SMCO4: variants seen among roughly 807,000 people sequenced by gnomAD.
The protein encoded by SMCO4 is single-pass membrane protein with coiled-coil domains 4, also known as single-pass membrane and coiled-coil domain-containing protein 4.
In SMCO4, 4 loss-of-function variants were observed where a neutral mutation model predicts 3.6. The ratio of observed to expected loss-of-function variants is 1.11; its 90% CI spans 0.54 to 2.53. The LOEUF (loss-of-function observed/expected upper bound fraction) is 2.53, where lower values mean the gene tolerates loss of function less well. Among genes scored for constraint, SMCO4 ranks in the 30% most tolerant of loss-of-function variants. SMCO4 has a pLI of 0.02. For missense variants in SMCO4, 70 were observed against 80.8 expected (o/e 0.87, Z 0.51); for synonymous variants, 36 against 35.3 (o/e 1.02, Z -0.07).
At chr11:93,525,582 G>T (rs988368943) in intron 1 of SMCO4, among the ~76,000 whole-genome samples, 1 of 152,102 alleles carries the variant, frequency 6.6e-6, no homozygotes, top group Non-Finnish European at 1.5e-5. Flanking sequence ...TCTCCTGCAG[G>T]AATAGAGAAC....
intron 1 of SMCO4, among the ~76,000 whole-genome samples, chr11:93,539,374 TAGG>T (rs960566127): frequency 3.3e-5 from 5 of 151,872 alleles, no homozygotes; most frequent in African/African-American, 1.2e-4. Flanking sequence ...CAAAATAATG[TAGG>T]AGGACGGAAG....
chr11:93,497,712 T>C (rs1372625765), intron 2 of SMCO4, among the ~76,000 whole-genome samples: 1 of 152,210 alleles, frequency 6.6e-6, no homozygotes, highest in Non-Finnish European at 1.5e-5. Context: ...GACATTGAAC[T>C]TCTGAGCTTA....
chr11:93,489,516 T>A (rs545347079), intron 2 of SMCO4, among the ~76,000 whole-genome samples: 3 of 152,212 alleles, frequency 2.0e-5, no homozygotes, highest in Non-Finnish European at 4.4e-5. Context: ...CCACTGCAGT[T>A]GGAGGCCACA....
chr11:93,542,596 T>G (rs898072917), intron 1 of SMCO4, among the ~76,000 whole-genome samples: 1 of 151,982 alleles, frequency 6.6e-6, no homozygotes, highest in African/African-American at 2.4e-5. Flanking sequence ...CTCAGCTCCC[T>G]CCTCCACCCA....
chr11:93,496,031 C>A (rs1948768536), intron 2 of SMCO4, among the ~76,000 whole-genome samples: 1 of 152,204 alleles, frequency 6.6e-6, no homozygotes, highest in South Asian at 2.1e-4. Flanking sequence ...CAGTGCAGTC[C>A]ACTCCATGGG....
At chr11:93,543,818 T>C (rs1389255546), upstream of SMCO4, among the ~76,000 whole-genome samples, 2 of 152,234 alleles carry the variant, frequency 1.3e-5, no homozygotes, top group African/African-American at 4.8e-5. Flanking sequence ...CAATAAATAC[T>C]TGTGAAGAGA....
intron 1 of SMCO4, among the ~76,000 whole-genome samples, chr11:93,501,499 A>T (rs968924193): frequency 6.6e-6 from 1 of 152,196 alleles, no homozygotes; most frequent in Non-Finnish European, 1.5e-5. Flanking sequence ...TTGTGGCCAC[A>T]TCATTCCGAC....
intron 1 of SMCO4, among the ~76,000 whole-genome samples, chr11:93,519,914 A>G (rs1199377420): frequency 6.6e-6 from 1 of 152,068 alleles, no homozygotes; most frequent in Non-Finnish European, 1.5e-5. Flanking sequence ...TAGTCTGAAT[A>G]CACTAGAAAA....
At chr11:93,551,757 A>T in the SMCO4 span, among the ~76,000 whole-genome samples, 1 of 152,246 alleles carries the variant, frequency 6.6e-6, no homozygotes, top group Admixed American at 6.5e-5. Flanking sequence ...CACCTGTTTA[A>T]TGGGATTGAA....
At chr11:93,543,494 CG>C, upstream of SMCO4, 1 of 152,940 alleles carries the variant, frequency 6.5e-6, no homozygotes, top group Non-Finnish European at 1.5e-5. Context: ...CCTCGGCTCC[CG>C]CCCCCTCTTC....
At chr11:93,524,583 C>A (rs781204634) in intron 1 of SMCO4, among the ~76,000 whole-genome samples, 1 of 152,126 alleles carries the variant, frequency 6.6e-6, no homozygotes, top group East Asian at 1.9e-4. Flanking sequence ...ACTCCACAAA[C>A]ACAAATGACC....
At chr11:93,488,696 G>A (rs1422320539) in intron 2 of SMCO4, among the ~76,000 whole-genome samples, 1 of 152,102 alleles carries the variant, frequency 6.6e-6, no homozygotes. Context: ...CCCTAGTAGA[G>A]GCATGAAAAG....
intron 2 of SMCO4, among the ~76,000 whole-genome samples, chr11:93,493,452 C>T (rs957304361): frequency 4.6e-5 from 7 of 152,142 alleles, no homozygotes; most frequent in Admixed American, 1.3e-4. Context: ...CTGTATCACA[C>T]GCCACCCCCA....
upstream of SMCO4, among the ~76,000 whole-genome samples, chr11:93,545,766 C>T (rs929542870): frequency 1.3e-5 from 2 of 152,206 alleles, no homozygotes; most frequent in Non-Finnish European, 2.9e-5. Context: ...CTCCCTCCCA[C>T]GTTGACCCTG....
chr11:93,534,375 T>TAG lies in SMCO4; in HGVS notation c.-154+8899_-154+8900dup, dbSNP rs1555079957. Among the ~76,000 whole-genome samples the TAG allele has an allele frequency of 2.1e-3, 302 of 142,126 alleles. 3 individuals are homozygous for TAG. Among genetic ancestry groups the TAG allele is most frequent in the East Asian group, 0.014 (68 of 4,858 alleles). 93.2% of individuals were successfully genotyped at this position (142,126 alleles called of 152,430 possible). The stretch of plus-strand genomic sequence containing the variant: ...ACACATACATATATATATATATATA[T>TAG]AGAGAGAGAGAGAGAGAGAGATACA... On this transcript the variant is annotated intron_variant, in intron 1 of 2. Transcript: ENST00000298966.
intron 1 of SMCO4, among the ~76,000 whole-genome samples, chr11:93,525,010 C>G (rs551528481): frequency 2.0e-5 from 3 of 152,226 alleles, no homozygotes; most frequent in Non-Finnish European, 4.4e-5. Context: ...CCAACACCCA[C>G]AGCTGGCCTC....
At chr11:93,523,173 T>G (rs541361307) in intron 1 of SMCO4, among the ~76,000 whole-genome samples, 2 of 152,116 alleles carry the variant, frequency 1.3e-5, no homozygotes, top group South Asian at 4.2e-4. Flanking sequence ...CGGTGGCTCA[T>G]GCCTGTAATC....
At chr11:93,506,360 A>G (rs1475962557) in intron 1 of SMCO4, among the ~76,000 whole-genome samples, 2 of 152,068 alleles carry the variant, frequency 1.3e-5, no homozygotes, top group Non-Finnish European at 2.9e-5. Context: ...AGGTAAAACA[A>G]CTGGTGGCTT....
chr11:93,486,503 C>T (rs1367681722), intron 2 of SMCO4, among the ~76,000 whole-genome samples: 2 of 152,188 alleles, frequency 1.3e-5, no homozygotes, highest in East Asian at 1.9e-4. Context: ...ATCAGGCTAG[C>T]CCTGATGCCT....
Sources: gnomAD v4.1 joint callset for allele counts (sites outside exome capture counted in the v4.1 genomes callset) on GRCh38, gnomAD v4.1.1 for gene constraint, MANE v1.5 for transcripts, NCBI Gene and HGNC (gene_info 2026-07-23, HGNC 2026-07-21) for gene names.